The following RAPGEF1 variants were observed in gnomAD, a reference collection of about 807,000 sequenced individuals.
RAPGEF1 encodes the protein CRK SH3-binding GNRP.
RAPGEF1 carries 33 observed loss-of-function variants against 143.3 expected under a neutral mutation model. The observed-to-expected ratio is 0.23, with a 90% confidence interval of 0.17 to 0.31. The LOEUF (loss-of-function observed/expected upper bound fraction) is 0.31. Ranked by LOEUF, RAPGEF1 falls within the 10% of genes least tolerant of loss-of-function variation. RAPGEF1 has a pLI of 1.00. For missense variants in RAPGEF1, 1,199 were observed against 1,645.4 expected, an observed-to-expected ratio of 0.73 and a Z score of 4.69; for synonymous variants, 629 against 676.5, an observed-to-expected ratio of 0.93 and a Z score of 1.09.
intron 1 of RAPGEF1, among the ~76,000 whole-genome samples, chr9:131,691,371 T>C (rs556726195): frequency 1.3e-5 from 2 of 152,276 alleles, no homozygotes; most frequent in African/African-American, 4.8e-5. Context: ...AGAGAAACAT[T>C]ACTCCAATTA....
intron 1 of RAPGEF1, among the ~76,000 whole-genome samples, chr9:131,651,809 G>A (rs890884259): frequency 6.6e-6 from 1 of 152,182 alleles, no homozygotes; most frequent in African/African-American, 2.4e-5. Context: ...TTGTGCAAAT[G>A]TCATAGAGTA....
At chr9:131,642,024 G>A (rs1015701053) in intron 4 of RAPGEF1, among the ~76,000 whole-genome samples, 2 of 152,172 alleles carry the variant, frequency 1.3e-5, no homozygotes, top group Non-Finnish European at 2.9e-5. Context: ...GCGGAATTGC[G>A]ACAGAGAAGC....
In RAPGEF1 at chr9:131,675,088, G is replaced by C. The variant is rs915192354; in HGVS notation, c.62-24139C>G. Reference sequence around the variant, plus strand: ...ATAGCCCTTTCCACAGAGGGTGGTGGGGGGTGGTAGCAACTGTGCTTGCCA... The same window carrying C: ...ATAGCCCTTTCCACAGAGGGTGGTGCGGGGTGGTAGCAACTGTGCTTGCCA... On this transcript the variant is annotated intron_variant, in intron 1 of 26. Coordinates refer to ENST00000683357, the MANE Select transcript of RAPGEF1 (RefSeq NM_001377935.1). The surrounding 1 kb of genome is among the most constrained non-coding windows in gnomAD (Gnocchi z 4.6). Among the ~76,000 whole-genome samples the C allele has an allele frequency of 1.3e-5, 2 of 152,196 alleles. No individual in the cohort carries two copies. Among genetic ancestry groups the C allele is most frequent in the Admixed American group, 6.5e-5 (1 of 15,288 alleles).
intron 1 of RAPGEF1, among the ~76,000 whole-genome samples, chr9:131,722,458 G>A (rs963118450): frequency 1.6e-4 from 24 of 152,216 alleles, no homozygotes; most frequent in African/African-American, 4.8e-4. Context: ...CAGAGCCCTC[G>A]GAGGGAAGCC....
chr9:131,598,363 T>C, intron 15 of RAPGEF1, 53 bp from the exon 16 acceptor site: 26 of 1,495,994 alleles, frequency 1.7e-5, no homozygotes, highest in Non-Finnish European at 2.4e-5. Flanking sequence ...CAGCTCCCGA[T>C]GCCTGGAGGC....
chr9:131,737,685 C>T, intron 1 of RAPGEF1: 1 of 1,119,190 alleles, frequency 8.9e-7, no homozygotes, highest in Middle Eastern at 3.2e-4. Context: ...AAAAAAGAGG[C>T]CCAGCGCGGT....
At chr9:131,696,740 A>C (rs1834211738) in intron 1 of RAPGEF1, among the ~76,000 whole-genome samples, 1 of 152,268 alleles carries the variant, frequency 6.6e-6, no homozygotes, top group African/African-American at 2.4e-5. Context: ...ATACAAACTC[A>C]GTGAATGAAT....
At position 131,628,243 on chromosome 9, in the gene RAPGEF1, C is replaced by T; in HGVS notation, c.1018-147G>A. On this transcript the variant is annotated intron_variant, in intron 8 of 26. Coordinates refer to ENST00000683357, the MANE Select transcript of RAPGEF1 (RefSeq NM_001377935.1). This position sits in a 1 kb window ranked among gnomAD's most constrained non-coding sequence, Gnocchi z 5.7. ...ACCTCTGACGTCAGTAGTCGAAGGA[C>T]ACATACAGCTGAGAAGCAGCCATCT... 1.2e-6 allele frequency: 1 copy of T among 846,254 alleles called. No individual in the cohort carries two copies. The highest frequency in any genetic ancestry group is 1.8e-6 in the Non-Finnish European group (1 of 563,036). 52.4% of individuals were successfully genotyped at this position (846,254 alleles called of 1,614,324 possible). A position where few individuals can be genotyped will look rare whatever the true frequency, so the allele number is the denominator to read the frequency against.
At chr9:131,631,384 T>C (rs1436283188) in intron 5 of RAPGEF1, among the ~76,000 whole-genome samples, 2 of 152,206 alleles carry the variant, frequency 1.3e-5, no homozygotes, top group Non-Finnish European at 1.5e-5. Context: ...TGTCCGCACA[T>C]CTTTGCCTGC....
In RAPGEF1 at chr9:131,584,501, G is replaced by C. The variant is rs1588166281; in HGVS notation, c.3312+17C>G. On this transcript the variant is annotated intron_variant, in intron 23 of 26. Coordinates refer to ENST00000683357, the MANE Select transcript of RAPGEF1 (RefSeq NM_001377935.1). This position sits in a 1 kb window ranked among gnomAD's most constrained non-coding sequence, Gnocchi z 6.8. ...GGACTGATGATGGGGGCCTGGGAAG[G>C]ACTTGGCCACCATTACCTTCATGAT... 6.2e-7 allele frequency: 1 copy of C among 1,613,854 alleles called. No homozygotes were observed. Among genetic ancestry groups the C allele is most frequent in the African/African-American group, 1.3e-5 (1 of 75,060 alleles).
rs1174453155 is a variant in RAPGEF1 at position 131,638,622 on chromosome 9, C to T, written c.651+13G>A. On this transcript the variant is annotated intron_variant, in intron 5 of 26. Coordinates refer to ENST00000683357, the MANE Select transcript of RAPGEF1 (RefSeq NM_001377935.1). ...AGTCCCTGACTGGGACTGTCTGGAA[C>T]CTGCACCGGTACCTTCACTCCATCC... The T allele has an allele frequency of 6.2e-7, 1 of 1,613,828 alleles. No individual in the cohort carries two copies. Among genetic ancestry groups the T allele is most frequent in the East Asian group, 2.2e-5 (1 of 44,880 alleles).
At chr9:131,636,306 A>G (rs957309190) in intron 5 of RAPGEF1, among the ~76,000 whole-genome samples, 4 of 152,260 alleles carry the variant, frequency 2.6e-5, no homozygotes, top group African/African-American at 9.6e-5. Flanking sequence ...ATGAAACAAA[A>G]CTGAATTTGT....
chr9:131,726,291 C>T (rs972422489), intron 1 of RAPGEF1, among the ~76,000 whole-genome samples: 2 of 152,062 alleles, frequency 1.3e-5, no homozygotes, highest in Non-Finnish European at 1.5e-5. Context: ...TGTACTTACA[C>T]GGTATTCTGG....
intron 1 of RAPGEF1, among the ~76,000 whole-genome samples, chr9:131,669,055 A>T (rs1309548361): frequency 8.5e-5 from 13 of 152,192 alleles, no homozygotes; most frequent in Non-Finnish European, 1.9e-4. Context: ...CAAAGCAGCC[A>T]GTCTGGGGGC....
intron 25 of RAPGEF1, 77 bp downstream of exon 25, chr9:131,582,527 TG>T: frequency 9.3e-7 from 1 of 1,080,146 alleles, no homozygotes; most frequent in Non-Finnish European, 1.3e-6. Context: ...ATTTCTCTGC[TG>T]GAGCCTGACA....
chr9:131,704,231 T>C (rs941431715), intron 1 of RAPGEF1, among the ~76,000 whole-genome samples: 13 of 150,722 alleles, frequency 8.6e-5, no homozygotes, highest in African/African-American at 2.9e-4. Context: ...CAATATTAAT[T>C]AGCTGGCACA....
chr9:131,634,648 G>A (rs545804932), intron 5 of RAPGEF1, among the ~76,000 whole-genome samples: 2 of 138,028 alleles, frequency 1.4e-5, no homozygotes, highest in East Asian at 4.6e-4. Context: ...AGGAGGCGGA[G>A]GTTGCAGTGA....
intron 25 of RAPGEF1, among the ~76,000 whole-genome samples, chr9:131,581,853 A>C (rs752206230): frequency 6.6e-6 from 1 of 152,194 alleles, no homozygotes; most frequent in Non-Finnish European, 1.5e-5. Flanking sequence ...ACAGTGGGAA[A>C]GACTGTTAGT....
chr9:131,739,824 C>G lies in RAPGEF1; in HGVS notation c.7G>C (p.Gly3Arg). 2 of 1,134,884 alleles carry G rather than the reference C, an allele frequency of 1.8e-6. No homozygotes were observed. The highest frequency in any genetic ancestry group is 2.2e-6 in the Non-Finnish European group (2 of 911,048). The allele number at this position is 1,134,884 out of a possible 1,614,324, so 70.3% of individuals were successfully genotyped here. The change falls in exon 1 of 27, where the codon GGC becomes CGC. Residue 3 changes from glycine (G) to arginine (R), a missense_variant. By Grantham distance (125) the Gly-to-Arg change is moderately radical. Coordinates refer to ENST00000683357, the MANE Select transcript of RAPGEF1 (RefSeq NM_001377935.1). MS[G>R]GLGLRRSPEM... is the part of the protein sequence containing the mutation. Reference sequence around the variant, plus strand: ...GGGCTGCGCCGGAGGCCGAGGCCGCCGCTCATCGGGCCCGGGCCGGGCCGC... The same window carrying G: ...GGGCTGCGCCGGAGGCCGAGGCCGCGGCTCATCGGGCCCGGGCCGGGCCGC...
Sources: gnomAD v4.1 joint callset for allele counts (sites outside exome capture counted in the v4.1 genomes callset) on GRCh38, gnomAD v4.1.1 for gene constraint, Gnocchi (gnomAD v3.1) non-coding constraint, MANE v1.5 for transcripts, NCBI Gene and HGNC (gene_info 2026-07-23, HGNC 2026-07-21) for gene names.